The following CSGALNACT1 variants were observed in gnomAD, a reference collection of about 807,000 sequenced individuals.
CSGALNACT1 encodes chondroitin sulfate N-acetylgalactosaminyltransferase 1, also known as beta4GalNAcT-1.
A neutral mutation model predicts 51.0 loss-of-function variants in CSGALNACT1; 52 were observed. The observed-to-expected ratio is 1.02, with a 90% CI of 0.82 to 1.29. CSGALNACT1 has a LOEUF of 1.29. CSGALNACT1 is among the 50% of genes most tolerant of loss of function. The pLI is 0.00. For missense variants in CSGALNACT1, 935 were observed against 679.2 expected, an observed-to-expected ratio of 1.38 and a Z score of -4.19; for synonymous variants, 341 against 254.4, an observed-to-expected ratio of 1.34 and a Z score of -3.24.
At chr8:19,739,622 G>C (rs1047617170) in intron 1 of CSGALNACT1, among the ~76,000 whole-genome samples, 3 of 152,194 alleles carry the variant, frequency 2.0e-5, no homozygotes, top group Non-Finnish European at 4.4e-5. Flanking sequence ...CATCCCAAAA[G>C]TCTCCTTAAA....
At chr8:19,570,085 G>C (rs2042685804) in intron 3 of CSGALNACT1, among the ~76,000 whole-genome samples, 1 of 148,652 alleles carries the variant, frequency 6.7e-6, no homozygotes, top group South Asian at 2.1e-4. Context: ...GGGTAGATTG[G>C]GGGCCTATTT....
chr8:19,542,489 C>T (rs1200699354), intron 3 of CSGALNACT1, among the ~76,000 whole-genome samples: 1 of 152,140 alleles, frequency 6.6e-6, no homozygotes, highest in Non-Finnish European at 1.5e-5. Context: ...CTATTTTTCT[C>T]CTTTCCTGCA....
At chr8:19,545,868 TA>T (rs2086348301) in intron 3 of CSGALNACT1, among the ~76,000 whole-genome samples, 2 of 148,452 alleles carry the variant, frequency 1.3e-5, no homozygotes, top group East Asian at 1.9e-4. Flanking sequence ...ATATATTATA[TA>T]TAAGTTATAT....
intron 8 of CSGALNACT1, among the ~76,000 whole-genome samples, chr8:19,413,265 C>T (rs534842700): frequency 1.2e-4 from 18 of 152,224 alleles, no homozygotes; most frequent in African/African-American, 3.9e-4. Context: ...CCCCATGAAG[C>T]GCTTTGAGGG....
At chr8:19,595,658 G>A (rs896531186) in intron 2 of CSGALNACT1, among the ~76,000 whole-genome samples, 2 of 151,828 alleles carry the variant, frequency 1.3e-5, no homozygotes, top group Non-Finnish European at 2.9e-5. Flanking sequence ...GCTCACACCT[G>A]TAATCCCAGC....
chr8:19,486,295 G>C (rs1226343555), intron 4 of CSGALNACT1, among the ~76,000 whole-genome samples: 1 of 152,038 alleles, frequency 6.6e-6, no homozygotes, highest in Non-Finnish European at 1.5e-5. Flanking sequence ...CCTGCTGCCT[G>C]GTAACTGTCA....
intron 8 of CSGALNACT1, among the ~76,000 whole-genome samples, chr8:19,418,431 C>A (rs1349900464): frequency 6.6e-6 from 1 of 152,198 alleles, no homozygotes; most frequent in Non-Finnish European, 1.5e-5. Flanking sequence ...TGTGAAATTA[C>A]CTCTCTGTAA....
At chr8:19,557,490 C>CA (rs1422253842) in intron 3 of CSGALNACT1, among the ~76,000 whole-genome samples, 12 of 152,186 alleles carry the variant, frequency 7.9e-5, no homozygotes, top group African/African-American at 2.4e-4. Context: ...CCTCATTTCC[C>CA]ACCTCAAAGC....
At chr8:19,481,534 C>A (rs1160091559) in intron 4 of CSGALNACT1, among the ~76,000 whole-genome samples, 2 of 152,140 alleles carry the variant, frequency 1.3e-5, no homozygotes, top group Non-Finnish European at 2.9e-5. Context: ...CTACCCAAAC[C>A]TCCTCTTGAG....
intron 1 of CSGALNACT1, among the ~76,000 whole-genome samples, chr8:19,655,257 A>G (rs1361118717): frequency 6.6e-6 from 1 of 152,154 alleles, no homozygotes; most frequent in Non-Finnish European, 1.5e-5. Context: ...AACAAATCCA[A>G]GCCCTTTATG....
At chr8:19,476,647 G>C (rs760020276) in intron 4 of CSGALNACT1, among the ~76,000 whole-genome samples, 6 of 152,178 alleles carry the variant, frequency 3.9e-5, no homozygotes, top group Admixed American at 6.5e-5. Flanking sequence ...AGAGAAGAGA[G>C]TGAGGCAACA....
At chr8:19,725,215 C>T (rs567506567) in intron 1 of CSGALNACT1, among the ~76,000 whole-genome samples, 7 of 152,274 alleles carry the variant, frequency 4.6e-5, no homozygotes, top group Non-Finnish European at 7.4e-5. Context: ...TAAGCCTTGG[C>T]GAGCGCTTTG....
intron 1 of CSGALNACT1, among the ~76,000 whole-genome samples, chr8:19,723,014 G>C (rs918769383): frequency 6.6e-6 from 1 of 152,176 alleles, no homozygotes; most frequent in Non-Finnish European, 1.5e-5. Flanking sequence ...TTAGATAAGT[G>C]ATTCCAAAGT....
At chr8:19,491,501 C>A (rs1418892650) in intron 4 of CSGALNACT1, among the ~76,000 whole-genome samples, 2 of 152,156 alleles carry the variant, frequency 1.3e-5, no homozygotes, top group African/African-American at 2.4e-5. Context: ...TTCACCTGCT[C>A]CTAACAATAT....
intron 1 of CSGALNACT1, among the ~76,000 whole-genome samples, chr8:19,660,576 G>A (rs1414270920): frequency 1.3e-5 from 2 of 152,096 alleles, no homozygotes; most frequent in Non-Finnish European, 2.9e-5. Context: ...AGAAACTTCT[G>A]GTCCTGGTAC....
chr8:19,414,597 A>G (rs931913236), intron 8 of CSGALNACT1, among the ~76,000 whole-genome samples: 5 of 2,250 alleles, frequency 2.2e-3, no homozygotes, highest in Admixed American at 6.4e-3. Context: ...ACACACATAC[A>G]CACACACACA....
At chr8:19,484,170 C>T (rs979538771) in intron 4 of CSGALNACT1, among the ~76,000 whole-genome samples, 1 of 125,746 alleles carries the variant, frequency 8.0e-6, no homozygotes, top group African/African-American at 3.0e-5. Flanking sequence ...TAATAATGGC[C>T]CCTAAGCACA....
chr8:19,647,827 C>T (rs2057416121), intron 1 of CSGALNACT1, among the ~76,000 whole-genome samples: 1 of 152,176 alleles, frequency 6.6e-6, no homozygotes, highest in African/African-American at 2.4e-5. Context: ...AATAAACTTT[C>T]ACCTACATCC....
intron 3 of CSGALNACT1, among the ~76,000 whole-genome samples, chr8:19,579,285 T>C: frequency 6.6e-6 from 1 of 152,222 alleles, no homozygotes; most frequent in Non-Finnish European, 1.5e-5. Context: ...TCTACACTGC[T>C]GAAAGCCTCA....
Sources: gnomAD v4.1 joint callset for allele counts (sites outside exome capture counted in the v4.1 genomes callset) on GRCh38, gnomAD v4.1.1 for gene constraint, MANE v1.5 for transcripts, NCBI Gene and HGNC (gene_info 2026-07-23, HGNC 2026-07-21) for gene names.